The following FAU variants were observed in gnomAD, a reference collection of about 807,000 sequenced individuals.
FAU encodes the protein FAU ubiquitin like and ribosomal protein S30 fusion.
For synonymous variants in FAU, 70 were observed against 69.9 expected, an observed-to-expected ratio of 1.00 and a Z score of -0.01; for missense variants, 125 against 173.9, an observed-to-expected ratio of 0.72 and a Z score of 1.58.
At chr11:65,120,832 C>T in intron 4 of FAU, 26 bp from the exon 5 acceptor site, 1 of 1,613,576 alleles carries the variant, frequency 6.2e-7, no homozygotes, top group Non-Finnish European at 8.5e-7. Context: ...TTAATCAGGC[C>T]CTGGTTCCTG....
chr11:65,120,969 ACT>A lies in FAU; in HGVS notation c.276+10_276+11del. On this transcript the variant is annotated intron_variant, in intron 4 of 4. Coordinates refer to ENST00000529639, the MANE Select transcript of FAU (RefSeq NM_001997.5). ...AAGTCCTAACACCATGACCACTAAT[ACT>A]CTCACTCACCTTAGGAGTCTGACCT... is the stretch of plus-strand genomic sequence containing the variant. 3 of 1,613,502 alleles carry A rather than the reference ACT, an allele frequency of 1.9e-6. No individual in the cohort carries two copies. Among genetic ancestry groups the A allele is most frequent in the African/African-American group, 2.7e-5 (2 of 74,786 alleles).
At chr11:65,121,142 G>C in intron 3 of FAU, 106 bp from the exon 4 acceptor site, 1 of 1,130,132 alleles carries the variant, frequency 8.8e-7, no homozygotes, top group Non-Finnish European at 1.3e-6. Flanking sequence ...GCGCCCAATA[G>C]GTAATGAGAA....
At chr11:65,121,666 G>C in intron 2 of FAU, 22 bp from the exon 3 acceptor site, 2 of 1,613,594 alleles carry the variant, frequency 1.2e-6, no homozygotes, top group Non-Finnish European at 1.7e-6. Context: ...GATAAGGCTC[G>C]TAAGCGTTCC....
At chr11:65,121,946 G>T in intron 1 of FAU, 125 bp from the exon 2 acceptor site, 1 of 924,998 alleles carries the variant, frequency 1.1e-6, no homozygotes, top group Non-Finnish European at 1.7e-6. Context: ...CTCACGTGGG[G>T]AAGGCCAGGC....
chr11:65,120,717 G>A lies in FAU; in HGVS notation c.366C>T (p.Thr122=), dbSNP rs745629236. Reference sequence around the variant, plus strand: ...CATTGGGGCCCTTCTTCTTGCCAAAGGTGGGCACAACGTTGACAAAGCGCC... The same window carrying A: ...CATTGGGGCCCTTCTTCTTGCCAAAAGTGGGCACAACGTTGACAAAGCGCC... ...YNRRFVNVVP[T]FGKKKGPNAN... The change falls in exon 5 of 5, where the codon ACC becomes ACT. Residue 122 remains threonine, a synonymous_variant. Coordinates refer to ENST00000529639, the MANE Select transcript of FAU (RefSeq NM_001997.5). 1 of 1,614,206 alleles carries A rather than the reference G, an allele frequency of 6.2e-7. No individual in the cohort carries two copies. Among genetic ancestry groups the A allele is most frequent in the Non-Finnish European group, 8.5e-7 (1 of 1,180,030 alleles).
rs1176220534 is a variant in FAU at position 65,122,132 on chromosome 11, G to C, written c.-51C>G. ...CTACCGCGAAGATGGAGTCGAGAAA[G>C]AGGAAGAAGCGAGGGCGCGTCAGTA... is the stretch of plus-strand genomic sequence containing the variant. On this transcript the variant is annotated 5_prime_UTR_variant, in exon 1 of 5. Coordinates refer to ENST00000529639, the MANE Select transcript of FAU (RefSeq NM_001997.5). 3.3e-6 allele frequency: 2 copies of C among 605,652 alleles called. No individual in the cohort carries two copies. Among genetic ancestry groups the C allele is most frequent in the African/African-American group, 3.7e-5 (2 of 53,986 alleles). 37.5% of individuals were successfully genotyped at this position (605,652 alleles called of 1,614,324 possible). A position where few individuals can be genotyped will look rare whatever the true frequency, so the allele number is the denominator to read the frequency against.
intron 4 of FAU, 82 bp downstream of exon 4, chr11:65,120,899 A>AC: frequency 6.2e-7 from 1 of 1,609,558 alleles, no homozygotes; most frequent in South Asian, 1.1e-5. Flanking sequence ...GAGAAGGCAA[A>AC]CCGAGTAAGA....
chr11:65,121,998 G>A (rs1217120657), intron 1 of FAU, 92 bp downstream of exon 1: 2 of 649,354 alleles, frequency 3.1e-6, no homozygotes, highest in East Asian at 2.7e-5. Flanking sequence ...GGGCCACGGA[G>A]CAGGCCCCGT....
intron 3 of FAU, 49 bp downstream of exon 3, chr11:65,121,451 C>T: frequency 1.3e-6 from 2 of 1,592,364 alleles, no homozygotes; most frequent in Non-Finnish European, 1.7e-6. Flanking sequence ...GCACCCCACA[C>T]TCACTAGACG....
At chr11:65,120,862 C>T (rs1210233400) in intron 4 of FAU, 56 bp from the exon 5 acceptor site, 2 of 1,610,504 alleles carry the variant, frequency 1.2e-6, no homozygotes, top group African/African-American at 2.7e-5. Flanking sequence ...CCTAGCATCC[C>T]TTCCCTCAGG....
Position 65,120,638 on chromosome 11 carries a change from C to T in FAU, c.*43G>A, listed in dbSNP as rs9333580. On this transcript the variant is annotated 3_prime_UTR_variant, in exon 5 of 5. Transcript: ENST00000529639. ...AAGATGAAACAATGCGATGACTGAA[C>T]TAAGTGGCTTTTTTATTAGAGAAAG... The T allele has an allele frequency of 2.5e-6, 4 of 1,611,046 alleles. No homozygotes were observed. The highest frequency in any genetic ancestry group is 2.2e-5 in the South Asian group (2 of 90,880).
chr11:65,120,860 C>G, intron 4 of FAU, 54 bp from the exon 5 acceptor site: 1 of 1,610,908 alleles, frequency 6.2e-7, no homozygotes, highest in Non-Finnish European at 8.5e-7. Context: ...CACCTAGCAT[C>G]CCTTCCCTCA....
Position 65,121,643 on chromosome 11 carries a change from G to A in FAU, c.77C>T (p.Ala26Val). 16 of 1,613,904 alleles carry A rather than the reference G, an allele frequency of 9.9e-6. No homozygotes were observed. The highest frequency in any genetic ancestry group is 1.4e-5 in the Non-Finnish European group (16 of 1,179,970). ...AATGCCCTCCAGTGAGGCTACATGA[G>A]CCTACAGGGAAAGATAAGGCTCGTA... ...TGQETVAQIKAHVASLEGIAP... is the reference protein window; with the variant it reads ...TGQETVAQIKVHVASLEGIAP... The change falls in exon 3 of 5, where the codon GCT (alanine) becomes GTT (valine). Residue 26 changes from alanine (A) to valine (V), a missense_variant and splice_region_variant. By Grantham distance (64) the Ala-to-Val change is moderately conservative (BLOSUM62 0). Transcript: ENST00000529639.
chr11:65,121,454 A>T (rs1186581163), intron 3 of FAU, 46 bp downstream of exon 3: 1 of 1,596,950 alleles, frequency 6.3e-7, no homozygotes, highest in East Asian at 2.2e-5. Context: ...CCCCACACTC[A>T]CTAGACGCTT....
At position 65,121,807 on chromosome 11, in the gene FAU, G is replaced by C; in HGVS notation, c.7C>G (p.Leu3Val). The part of the protein sequence containing the change: MQ[L>V]FVRAQELHTF... ...TGTAGCTCCTGGGCGCGGACAAAGA[G>C]CTGCATATTGGCGACTGAGTAAAGA... is the stretch of plus-strand genomic sequence containing the variant. Residue 3 changes from leucine (L) to valine (V), a missense_variant, in exon 2 of 5, where the codon CTC becomes GTC. Leu to Val is a conservative substitution (Grantham distance 32, BLOSUM62 1). Coordinates refer to ENST00000529639, the MANE Select transcript of FAU (RefSeq NM_001997.5). 1.9e-6 allele frequency: 3 copies of C among 1,614,056 alleles called. No individual in the cohort carries two copies. Among genetic ancestry groups the C allele is most frequent in the Non-Finnish European group, 2.5e-6 (3 of 1,180,030 alleles).
At chr11:65,122,035 C>T in intron 1 of FAU, 55 bp downstream of exon 1, 1 of 611,212 alleles carries the variant, frequency 1.6e-6, no homozygotes, top group Non-Finnish European at 2.9e-6. Context: ...CGCCTTCTGA[C>T]CCCGCAGCCA....
At chr11:65,121,241 G>C in intron 3 of FAU, 1 of 725,078 alleles carries the variant, frequency 1.4e-6, no homozygotes, top group Admixed American at 2.9e-5. Flanking sequence ...GGGGGCCCTG[G>C]TCTGACCTAA....
At chr11:65,121,868 G>A (rs1948052433) in intron 1 of FAU, 47 bp from the exon 2 acceptor site, 3 of 1,587,566 alleles carry the variant, frequency 1.9e-6, no homozygotes, top group South Asian at 2.2e-5. Flanking sequence ...GAAATGCTCT[G>A]GGATAAAGGA....
chr11:65,121,068 A>G (rs1948042477), intron 3 of FAU, 32 bp from the exon 4 acceptor site: 1 of 1,612,750 alleles, frequency 6.2e-7, no homozygotes, highest in Non-Finnish European at 8.5e-7. Flanking sequence ...CCAGCAGGTA[A>G]GAGCAAGAAG....
Sources: allele counts gnomAD v4.1 joint callset, GRCh38; gene constraint gnomAD v4.1.1; transcripts MANE v1.5; gene names NCBI Gene and HGNC (gene_info 2026-07-23, HGNC 2026-07-21).